Variants in NRXN3 observed in about 807,000 individuals in gnomAD.
NRXN3 encodes the protein neurexin III.
NRXN3 carries 32 observed loss-of-function variants against 137.6 expected under a neutral mutation model. The observed-to-expected ratio is 0.23, with a 90% confidence interval of 0.18 to 0.31. The LOEUF is 0.31. NRXN3 is among the 10% of genes least tolerant of loss of function. The probability of loss-of-function intolerance (pLI) is 1.00; values close to 1 mark genes in which losing one functional copy is unlikely to be tolerated. For synonymous variants in NRXN3, 798 were observed against 784.5 expected (o/e 1.02, Z -0.29); for missense variants, 1,574 against 2,062.5 (o/e 0.76, Z 4.59).
chr14:79,351,823 T>C (rs1335634578), intron 15 of NRXN3, among the ~76,000 whole-genome samples: 1 of 152,196 alleles, frequency 6.6e-6, no homozygotes, highest in African/African-American at 2.4e-5. Context: ...TTTAACTTTG[T>C]ATTCTAAAGG....
intron 4 of NRXN3, among the ~76,000 whole-genome samples, chr14:78,613,988 A>C (rs1203939667): frequency 1.3e-5 from 2 of 152,238 alleles, no homozygotes; most frequent in Non-Finnish European, 2.9e-5. Context: ...CATGAAGATC[A>C]TACAATTTTA....
chr14:79,408,472 C>T (rs916350183), intron 15 of NRXN3, among the ~76,000 whole-genome samples: 1 of 152,048 alleles, frequency 6.6e-6, no homozygotes. Flanking sequence ...TCTCAGTGCT[C>T]TGTGAATTTG....
At chr14:79,768,031 G>C (rs1282232691) in intron 19 of NRXN3, among the ~76,000 whole-genome samples, 1 of 152,162 alleles carries the variant, frequency 6.6e-6, no homozygotes, top group Admixed American at 6.5e-5. Context: ...TGGAAAATTG[G>C]GTCACTCCCA....
intron 15 of NRXN3, among the ~76,000 whole-genome samples, chr14:79,227,739 C>CTCCT (rs745869619): frequency 0.12 from 7,305 of 63,520 alleles, 872 homozygotes; most frequent in African/African-American, 0.17. Context: ...TCTCCTTTCT[C>CTCCT]TCCTTCCTTC....
intron 15 of NRXN3, among the ~76,000 whole-genome samples, chr14:79,184,946 A>G (rs1167890738): frequency 6.6e-6 from 1 of 152,164 alleles, no homozygotes; most frequent in Non-Finnish European, 1.5e-5. Flanking sequence ...TTTTGATATC[A>G]TGTGGCATTT....
chr14:78,970,464 A>C (rs534071614), intron 14 of NRXN3, among the ~76,000 whole-genome samples: 1 of 152,248 alleles, frequency 6.6e-6, no homozygotes. Context: ...ACCTCAACCC[A>C]GGGGCTACAT....
chr14:79,475,020 G>T (rs193119148), intron 16 of NRXN3, among the ~76,000 whole-genome samples: 2 of 152,130 alleles, frequency 1.3e-5, no homozygotes, highest in South Asian at 4.2e-4. Flanking sequence ...GAGCTTGGTC[G>T]TATACTCGGG....
At chr14:79,781,266 G>A (rs1462016724) in intron 19 of NRXN3, among the ~76,000 whole-genome samples, 1 of 152,002 alleles carries the variant, frequency 6.6e-6, no homozygotes, top group African/African-American at 2.4e-5. Flanking sequence ...TAAATAGCTG[G>A]CCTGTAACTA....
At chr14:79,836,601 C>T (rs2099344444) in intron 20 of NRXN3, among the ~76,000 whole-genome samples, 2 of 152,116 alleles carry the variant, frequency 1.3e-5, no homozygotes, top group African/African-American at 4.8e-5. Flanking sequence ...CTTACAGCTT[C>T]AGAGTACAGA....
chr14:78,771,371 C>G (rs2098727234), intron 8 of NRXN3, among the ~76,000 whole-genome samples: 4 of 152,192 alleles, frequency 2.6e-5, no homozygotes, highest in African/African-American at 9.7e-5. Context: ...ATTTATTTAT[C>G]TCCTAATAGG....
chr14:79,447,321 A>T (rs2096077689), intron 15 of NRXN3, among the ~76,000 whole-genome samples: 2 of 152,174 alleles, frequency 1.3e-5, no homozygotes, highest in South Asian at 2.1e-4. Context: ...ACCCCTCAGG[A>T]TATTTCTGCC....
intron 15 of NRXN3, among the ~76,000 whole-genome samples, chr14:79,026,924 T>TATAG (rs2099598938): frequency 3.2e-5 from 1 of 31,616 alleles, no homozygotes; most frequent in Non-Finnish European, 1.1e-4. Context: ...GAAAAAAAAG[T>TATAG]ATATATATAT....
At chr14:79,784,194 C>T (rs879165798) in intron 19 of NRXN3, among the ~76,000 whole-genome samples, 1 of 152,162 alleles carries the variant, frequency 6.6e-6, no homozygotes, top group Admixed American at 6.5e-5. Flanking sequence ...GCATGGTGTG[C>T]TCTGTGGTTA....
At chr14:78,186,754 C>G (rs1281221646) in intron 1 of NRXN3, among the ~76,000 whole-genome samples, 2 of 150,872 alleles carry the variant, frequency 1.3e-5, no homozygotes, top group Non-Finnish European at 3.0e-5. Context: ...TGGCTGAAAA[C>G]TAAGCTGCAG....
chr14:78,430,205 T>C (rs1198701027), intron 4 of NRXN3, among the ~76,000 whole-genome samples: 1 of 152,182 alleles, frequency 6.6e-6, no homozygotes, highest in Non-Finnish European at 1.5e-5. Flanking sequence ...ACCACTGCAC[T>C]CTAGCCTGGG....
At chr14:79,803,960 TATA>T (rs2099192955) in intron 19 of NRXN3, among the ~76,000 whole-genome samples, 1 of 146,628 alleles carries the variant, frequency 6.8e-6, no homozygotes, top group Non-Finnish European at 1.5e-5. Flanking sequence ...TATATATACA[TATA>T]TATGTATGTA....
At chr14:79,673,644 A>G (rs1603413408) in intron 17 of NRXN3, among the ~76,000 whole-genome samples, 1 of 152,036 alleles carries the variant, frequency 6.6e-6, no homozygotes, top group East Asian at 1.9e-4. Context: ...ACCTTCATTC[A>G]CTATTCAACA....
At chr14:78,841,380 G>A (rs1307291469) in intron 10 of NRXN3, among the ~76,000 whole-genome samples, 3 of 151,800 alleles carry the variant, frequency 2.0e-5, no homozygotes, top group East Asian at 1.9e-4. Flanking sequence ...TCTTTCACCC[G>A]GGTTCCTGGA....
chr14:78,611,514 G>A (rs915063097), intron 4 of NRXN3, among the ~76,000 whole-genome samples: 3 of 151,280 alleles, frequency 2.0e-5, no homozygotes, highest in Admixed American at 6.6e-5. Flanking sequence ...TGACTTACAA[G>A]TTCCAAAGCA....
Sources: gnomAD v4.1 joint callset for allele counts (sites outside exome capture counted in the v4.1 genomes callset) on GRCh38, gnomAD v4.1.1 for gene constraint, MANE v1.5 for transcripts, NCBI Gene and HGNC (gene_info 2026-07-23, HGNC 2026-07-21) for gene names.